The following CPD variants were observed in gnomAD, a reference collection of about 807,000 sequenced individuals.
CPD encodes the protein carboxypeptidase D.
Under a neutral mutation model 138.3 loss-of-function variants are expected in CPD, and 69 were observed. The ratio of observed to expected loss-of-function variants is 0.50; its 90% CI spans 0.41 to 0.61. CPD has a LOEUF of 0.61. Among genes scored for constraint, CPD ranks in the 20% least tolerant of loss-of-function variants. The pLI is 0.00. For missense variants in CPD, 1,432 were observed against 1,733.3 expected, an observed-to-expected ratio of 0.83 and a Z score of 3.09; for synonymous variants, 651 against 642.1, an observed-to-expected ratio of 1.01 and a Z score of -0.21.
intron 20 of CPD, 95 bp from the exon 21 acceptor site, chr17:30,464,493 A>G: frequency 1.1e-6 from 1 of 894,932 alleles, no homozygotes; most frequent in Non-Finnish European, 1.8e-6. Flanking sequence ...AATAAAATAA[A>G]TGAGGGGTAT....
At chr17:30,392,571 T>G (rs1194947324) in intron 2 of CPD, among the ~76,000 whole-genome samples, 1 of 152,242 alleles carries the variant, frequency 6.6e-6, no homozygotes, top group Admixed American at 6.5e-5. Context: ...TTTAGTTTGT[T>G]CTATATCATT....
chr17:30,444,128 G>A, intron 11 of CPD, 157 bp downstream of exon 11: 1 of 570,344 alleles, frequency 1.8e-6, no homozygotes, highest in Non-Finnish European at 2.9e-6. Context: ...CTCCTTTAGT[G>A]GCAGATAGAG....
rs1913666698 is a variant in CPD, at chr17:30,467,219, A to G, written c.*2405A>G. ...GCGGCAAGTAAGTATCATAGTATTA[A>G]GAAATTTGCCTAAATCTGAGTTGTG... On this transcript the variant is annotated 3_prime_UTR_variant, in exon 21 of 21. Transcript: ENST00000225719. 1 of 152,590 alleles carries G rather than the reference A, an allele frequency of 6.6e-6. No individual in the cohort carries two copies. The highest frequency in any genetic ancestry group is 2.4e-5 in the African/African-American group (1 of 41,454). 9.5% of individuals were successfully genotyped at this position (152,590 alleles called of 1,614,324 possible). A position where few individuals can be genotyped will look rare whatever the true frequency, so the allele number is the denominator to read the frequency against.
chr17:30,450,232 T>C (rs1913132226), intron 13 of CPD: 1 of 152,070 alleles, frequency 6.6e-6, no homozygotes, highest in Non-Finnish European at 1.5e-5. Context: ...AATTTTTTTA[T>C]ATTTTTGGTA....
chr17:30,410,222 C>T (rs1911925265), intron 2 of CPD, among the ~76,000 whole-genome samples: 1 of 152,110 alleles, frequency 6.6e-6, no homozygotes, highest in Non-Finnish European at 1.5e-5. Context: ...GCCCGAGAGA[C>T]AGTTTGTTGT....
chr17:30,456,756 C>T (rs950986521), intron 17 of CPD: 8 of 378,842 alleles, frequency 2.1e-5, no homozygotes, highest in East Asian at 5.6e-5. Context: ...TCAGGAGAAT[C>T]GCTTGAACCT....
chr17:30,443,426 AT>A (rs1351271095), intron 10 of CPD, among the ~76,000 whole-genome samples: 51 of 152,278 alleles, frequency 3.3e-4, no homozygotes, highest in African/African-American at 1.2e-3. Flanking sequence ...AGTTTCATGC[AT>A]TGCATTGGAT....
chr17:30,434,680 G>T (rs1238576120), intron 8 of CPD, among the ~76,000 whole-genome samples: 10 of 151,950 alleles, frequency 6.6e-5, no homozygotes, highest in Admixed American at 6.6e-4. Flanking sequence ...ATGAAGAAGT[G>T]CTCCTTGGCA....
At chr17:30,454,625 T>A (rs1913244145) in intron 14 of CPD, 1 of 153,412 alleles carries the variant, frequency 6.5e-6, no homozygotes, top group Admixed American at 6.5e-5. Flanking sequence ...TTTTTGGGTA[T>A]CTTTTCAGCA....
In CPD at chr17:30,451,861, T is replaced by C. The variant is rs2143489644; in HGVS notation, c.3205+15T>C. On this transcript the variant is annotated intron_variant, in intron 14 of 20. Coordinates refer to ENST00000225719, the MANE Select transcript of CPD (RefSeq NM_001304.5). ...AGACTTCACAAGTAAGACTAATTTT[T>C]AGGCTACTAAAGTACTTAGGAGATA... The C allele has an allele frequency of 6.2e-7, 1 of 1,613,284 alleles. No homozygotes were observed. The highest frequency in any genetic ancestry group is 1.7e-5 in the Admixed American group (1 of 59,944).
chr17:30,443,876 T>G lies in CPD; in HGVS notation c.2448T>G (p.Val816=). 1 of 1,614,002 alleles carries G rather than the reference T, an allele frequency of 6.2e-7. No homozygotes were observed. Among genetic ancestry groups the G allele is most frequent in the Non-Finnish European group, 8.5e-7 (1 of 1,179,896 alleles). The change falls in exon 11 of 21, where the codon GTT becomes GTG. Residue 816 remains valine (V), a synonymous_variant. Transcript: ENST00000225719. ...GRGILNATIS[V]AEINHPVTTY... Reference sequence around the variant, plus strand: ...GTATATTAAATGCCACCATTAGTGTTGCTGAGATTAATCACCCAGTGACTA... The same window carrying G: ...GTATATTAAATGCCACCATTAGTGTGGCTGAGATTAATCACCCAGTGACTA...
chr17:30,408,486 G>A (rs1911864760), intron 2 of CPD, among the ~76,000 whole-genome samples: 1 of 152,122 alleles, frequency 6.6e-6, no homozygotes, highest in Non-Finnish European at 1.5e-5. Flanking sequence ...ATTTCATTGA[G>A]CAGTGGTTTG....
intron 13 of CPD, among the ~76,000 whole-genome samples, chr17:30,450,574 TTGAC>T (rs1478845664): frequency 1.3e-5 from 2 of 152,122 alleles, no homozygotes; most frequent in African/African-American, 4.8e-5. Flanking sequence ...GAAAAGAACT[TTGAC>T]TGGGGTGTGA....
intron 2 of CPD, among the ~76,000 whole-genome samples, chr17:30,398,189 CCT>C (rs2143340933): frequency 6.6e-6 from 1 of 150,902 alleles, no homozygotes; most frequent in African/African-American, 2.4e-5. Flanking sequence ...TATATAACCC[CCT>C]GAGAGACTAA....
At chr17:30,381,616 C>T (rs866675913) in intron 1 of CPD, among the ~76,000 whole-genome samples, 1 of 152,106 alleles carries the variant, frequency 6.6e-6, no homozygotes, top group African/African-American at 2.4e-5. Flanking sequence ...TGCTATTAAC[C>T]AATAACAAAG....
chr17:30,382,272 G>A (rs1031564663), intron 1 of CPD, among the ~76,000 whole-genome samples: 1 of 152,034 alleles, frequency 6.6e-6, no homozygotes, highest in Admixed American at 6.6e-5. Flanking sequence ...CCTGGATAGC[G>A]TAATAGAGTT....
At chr17:30,444,351 T>C (rs1912967233) in intron 11 of CPD, among the ~76,000 whole-genome samples, 1 of 152,114 alleles carries the variant, frequency 6.6e-6, no homozygotes, top group Non-Finnish European at 1.5e-5. Flanking sequence ...GTAGAATTTA[T>C]TGGAAATGTG....
rs1913019747 is a variant in CPD, at chr17:30,446,010, A to G, written c.2863A>G (p.Asn955Asp). 1.9e-6 allele frequency: 3 copies of G among 1,590,082 alleles called. No individual in the cohort carries two copies. The highest frequency in any genetic ancestry group is 1.8e-5 in the Admixed American group (1 of 55,520). The stretch of plus-strand genomic sequence containing the variant: ...TGTAATGAACTATCCACATATTACA[A>G]ATCTTACCAAGTAAGTGTCACTTTC... ...GLVMNYPHITNLTNLGQSTEY... is the reference protein window; with the variant it reads ...GLVMNYPHITDLTNLGQSTEY... The change falls in exon 12 of 21, where the codon AAT (asparagine) becomes GAT (aspartate). Residue 955 changes from asparagine (N) to aspartate (D), a missense_variant. Physicochemically the swap from Asn to Asp is conservative, Grantham distance 23. Transcript: ENST00000225719.
chr17:30,395,649 G>A (rs1449680299), intron 2 of CPD, among the ~76,000 whole-genome samples: 1 of 151,016 alleles, frequency 6.6e-6, no homozygotes, highest in East Asian at 1.9e-4. Context: ...GATCTAATGT[G>A]TATAAATTGG....
Sources: gnomAD v4.1 joint callset for allele counts (sites outside exome capture counted in the v4.1 genomes callset) on GRCh38, gnomAD v4.1.1 for gene constraint, MANE v1.5 for transcripts, NCBI Gene and HGNC (gene_info 2026-07-23, HGNC 2026-07-21) for gene names.